DENND1A: variants seen among roughly 807,000 people sequenced by gnomAD.
The protein encoded by DENND1A is DENN domain containing 1A, also known as DENN domain-containing protein 1A.
DENND1A carries 51 observed loss-of-function variants against 113.7 expected under a neutral mutation model. The observed-to-expected ratio is 0.45, with a 90% CI of 0.36 to 0.57. The LOEUF is 0.57. Among genes scored for constraint, DENND1A ranks in the 20% least tolerant of loss-of-function variants. The pLI is 0.00. For synonymous variants in DENND1A, 565 were observed against 570.8 expected (o/e 0.99, Z 0.14); for missense variants, 1,258 against 1,395.9 (o/e 0.90, Z 1.57).
At chr9:123,625,023 C>G (rs560575004) in intron 10 of DENND1A, among the ~76,000 whole-genome samples, 1 of 152,144 alleles carries the variant, frequency 6.6e-6, no homozygotes, top group South Asian at 2.1e-4. Flanking sequence ...AATCCTCTCC[C>G]GCCTCCCCAT....
chr9:123,832,568 T>C (rs1840389758), intron 2 of DENND1A, among the ~76,000 whole-genome samples: 1 of 152,174 alleles, frequency 6.6e-6, no homozygotes, highest in Non-Finnish European at 1.5e-5. Context: ...TACTATAATG[T>C]CATAGCTCCA....
At chr9:123,443,266 ATCT>A (rs1415622633) in intron 18 of DENND1A, among the ~76,000 whole-genome samples, 2 of 152,144 alleles carry the variant, frequency 1.3e-5, no homozygotes, top group Non-Finnish European at 2.9e-5. Flanking sequence ...CTCAGATGTA[ATCT>A]TCTCCTCGGA....
chr9:123,842,529 T>C (rs993143528), intron 2 of DENND1A, among the ~76,000 whole-genome samples: 13 of 151,378 alleles, frequency 8.6e-5, no homozygotes, highest in African/African-American at 3.1e-4. Flanking sequence ...ATTAGATATA[T>C]GAAATGGACA....
chr9:123,524,946 G>A (rs968659305), intron 13 of DENND1A, among the ~76,000 whole-genome samples: 3 of 152,180 alleles, frequency 2.0e-5, no homozygotes, highest in African/African-American at 7.2e-5. Context: ...CTAGAGAATT[G>A]CATTTTAATA....
At chr9:123,901,258 A>G (rs1200585936) in intron 1 of DENND1A, among the ~76,000 whole-genome samples, 1 of 152,196 alleles carries the variant, frequency 6.6e-6, no homozygotes, top group East Asian at 1.9e-4. Flanking sequence ...AGGTAGGAGA[A>G]GATGGTGCCC....
chr9:123,828,296 G>GA (rs1364869430), intron 2 of DENND1A, among the ~76,000 whole-genome samples: 3 of 151,654 alleles, frequency 2.0e-5, no homozygotes, highest in Non-Finnish European at 1.5e-5. Flanking sequence ...ATTAGTTGAA[G>GA]AAAAAAACAA....
chr9:123,851,097 A>G (rs1260698886), intron 2 of DENND1A, among the ~76,000 whole-genome samples: 4 of 152,222 alleles, frequency 2.6e-5, no homozygotes, highest in Non-Finnish European at 5.9e-5. Context: ...GAGTTTTGAC[A>G]TATGTGTACA....
rs893590792 is a variant in DENND1A at position 123,493,971 on chromosome 9, G to A, written c.994-36074C>T. ...ACTCTAAAAAGACTCTGAGGTTTCTGGGGGGAACTTCTCTGCACCAGGGAT... is the reference window on the plus strand; with the variant it reads ...ACTCTAAAAAGACTCTGAGGTTTCTAGGGGGAACTTCTCTGCACCAGGGAT... On this transcript the variant is annotated intron_variant, in intron 13 of 23. Coordinates refer to ENST00000394215, the MANE Select transcript of DENND1A (RefSeq NM_001352964.2). 4.6e-5 allele frequency among the ~76,000 whole-genome samples: 7 copies of A among 152,172 alleles called. No individual in the cohort carries two copies. The East Asian group carries it at 1.2e-3, about 25-fold the overall frequency.
At chr9:123,738,694 CTATTGTTTTA>C (rs2068759576) in intron 5 of DENND1A, among the ~76,000 whole-genome samples, 1 of 152,094 alleles carries the variant, frequency 6.6e-6, no homozygotes, top group African/African-American at 2.4e-5. Context: ...TTTGTTAAGG[CTATTGTTTTA>C]TAGTTAAATG....
At chr9:123,683,870 TA>T (rs1287040242) in intron 5 of DENND1A, among the ~76,000 whole-genome samples, 2 of 152,202 alleles carry the variant, frequency 1.3e-5, no homozygotes, top group Non-Finnish European at 2.9e-5. Context: ...GGCCATTAAT[TA>T]CCACTAGAGC....
At chr9:123,848,228 T>TAAAAAAAAAAAAAAAAAA (rs375535777) in intron 2 of DENND1A, among the ~76,000 whole-genome samples, 1 of 60,496 alleles carries the variant, frequency 1.7e-5, no homozygotes, top group African/African-American at 7.2e-5. Flanking sequence ...GATACTGCTT[T>TAAAAAAAAAAAAAAAAAA]AAAAAAAAAA....
chr9:123,830,325 A>G (rs923295275), intron 2 of DENND1A, among the ~76,000 whole-genome samples: 7 of 152,188 alleles, frequency 4.6e-5, no homozygotes, highest in Non-Finnish European at 8.8e-5. Flanking sequence ...ATAAATCAGA[A>G]CAGTTGTTGT....
At chr9:123,707,743 C>A (rs1483102280) in intron 5 of DENND1A, among the ~76,000 whole-genome samples, 2 of 152,026 alleles carry the variant, frequency 1.3e-5, no homozygotes, top group Non-Finnish European at 2.9e-5. Flanking sequence ...AATTCAGCAA[C>A]TTTTTAAAGG....
At chr9:123,555,922 A>G (rs1332277467) in intron 13 of DENND1A, among the ~76,000 whole-genome samples, 2 of 152,206 alleles carry the variant, frequency 1.3e-5, no homozygotes, top group Non-Finnish European at 2.9e-5. Context: ...AAGTCTGTCC[A>G]TTCCCAGCAA....
At chr9:123,784,346 G>A (rs936185698) in intron 3 of DENND1A, among the ~76,000 whole-genome samples, 3 of 152,224 alleles carry the variant, frequency 2.0e-5, no homozygotes, top group Non-Finnish European at 2.9e-5. Context: ...GGTGGTGATT[G>A]TAGCGTCACT....
intron 21 of DENND1A, among the ~76,000 whole-genome samples, chr9:123,388,647 C>T (rs879379570): frequency 3.3e-5 from 5 of 152,188 alleles, no homozygotes; most frequent in African/African-American, 4.8e-5. Context: ...AAATGCATCT[C>T]CCTTGTCAGC....
At chr9:123,735,861 T>G (rs530586673) in intron 5 of DENND1A, among the ~76,000 whole-genome samples, 2 of 152,082 alleles carry the variant, frequency 1.3e-5, no homozygotes, top group African/African-American at 4.8e-5. Context: ...TAGCCGGGCA[T>G]GATGGTGTAC....
At chr9:123,610,914 AT>A (rs1329420808) in intron 10 of DENND1A, among the ~76,000 whole-genome samples, 1 of 152,256 alleles carries the variant, frequency 6.6e-6, no homozygotes, top group African/African-American at 2.4e-5. Context: ...TTGCTCAAAC[AT>A]TTAAAAATAA....
rs147692327 is a variant in DENND1A, at chr9:123,816,629, T to C, written c.89-23999A>G. 1.6e-4 allele frequency among the ~76,000 whole-genome samples: 25 copies of C among 152,292 alleles called. No homozygotes were observed. In the East Asian group the frequency reaches 4.6e-3, roughly 28 times the overall value. On this transcript the variant is annotated intron_variant, in intron 2 of 23. Transcript: ENST00000394215. ...TCACTAACAAATATTAGAAATCAAT[T>C]TGGAAAAATAATTACCTGGTCCTCT...
Sources: gnomAD v4.1 joint callset for allele counts (sites outside exome capture counted in the v4.1 genomes callset) on GRCh38, gnomAD v4.1.1 for gene constraint, MANE v1.5 for transcripts, NCBI Gene and HGNC (gene_info 2026-07-23, HGNC 2026-07-21) for gene names.